Variants in MTDH observed in about 807,000 individuals in gnomAD.
The protein encoded by MTDH is protein LYRIC.
A neutral mutation model predicts 72.7 loss-of-function variants in MTDH; 34 were observed. The ratio of observed to expected loss-of-function variants is 0.47; its 90% confidence interval spans 0.36 to 0.62. The LOEUF (loss-of-function observed/expected upper bound fraction) is 0.62, where lower values mean the gene tolerates loss of function less well. Ranked by LOEUF, MTDH falls within the 20% of genes least tolerant of loss-of-function variation. MTDH has a pLI of 0.00. For synonymous variants in MTDH, 266 were observed against 268.9 expected (o/e 0.99, Z 0.10); for missense variants, 677 against 699.4 (o/e 0.97, Z 0.36).
At chr8:97,695,931 T>G (rs1297212218) in intron 6 of MTDH, among the ~76,000 whole-genome samples, 1 of 152,252 alleles carries the variant, frequency 6.6e-6, no homozygotes, top group African/African-American at 2.4e-5. Context: ...GGGAATTGAC[T>G]TAAGCTGCAT....
chr8:97,708,377 G>A (rs1331529606), intron 8 of MTDH, among the ~76,000 whole-genome samples: 1 of 139,166 alleles, frequency 7.2e-6, no homozygotes, highest in African/African-American at 2.8e-5. Context: ...CCCCTCCCAG[G>A]TTCAAGTGAT....
chr8:97,665,682 T>A (rs1222283350), intron 2 of MTDH, among the ~76,000 whole-genome samples: 1 of 152,194 alleles, frequency 6.6e-6, no homozygotes, highest in Non-Finnish European at 1.5e-5. Flanking sequence ...AACCTGACAT[T>A]ATTTAGATTA....
At position 97,729,137 on chromosome 8, in the gene MTDH, G is replaced by A. The variant is rs572013869; in HGVS notation, c.*4467G>A. ...GATGAGGTCATTGCTATGTTGCCCA[G>A]GCTGGCCTTGAAGTCCAGGGCTTAA... is the stretch of plus-strand genomic sequence containing the variant. On this transcript the variant is annotated 3_prime_UTR_variant, in exon 12 of 12. Coordinates refer to ENST00000336273, the MANE Select transcript of MTDH (RefSeq NM_178812.4). Among the ~76,000 whole-genome samples the A allele has an allele frequency of 8.6e-5, 13 of 150,414 alleles. No homozygotes were observed. Among genetic ancestry groups the A allele is most frequent in the Middle Eastern group, 3.4e-3 (1 of 292 alleles).
chr8:97,683,978 G>C (rs1187458380), intron 2 of MTDH, among the ~76,000 whole-genome samples: 2 of 152,116 alleles, frequency 1.3e-5, no homozygotes, highest in Non-Finnish European at 2.9e-5. Flanking sequence ...GGGCATGGTA[G>C]CGCATGCCTG....
rs910643189 is a variant in MTDH at position 97,730,119 on chromosome 8, A to G, written c.*5449A>G. 6.6e-6 allele frequency among the ~76,000 whole-genome samples: 1 copy of G among 152,238 alleles called. No homozygotes were observed. The highest frequency in any genetic ancestry group is 1.5e-5 in the Non-Finnish European group (1 of 68,046). ...AATTGAGAAAACTTTAAGCAGGTTC[A>G]AAGTTATCCCATGATAGTGGCATTC... On this transcript the variant is annotated 3_prime_UTR_variant, in exon 12 of 12. Coordinates refer to ENST00000336273, the MANE Select transcript of MTDH (RefSeq NM_178812.4).
Position 97,686,846 on chromosome 8 carries a change from G to A in MTDH, c.568+94G>A, listed in dbSNP as rs928519615. On this transcript the variant is annotated intron_variant, in intron 3 of 11. Transcript: ENST00000336273. The stretch of plus-strand genomic sequence containing the variant: ...AGCTGCATTTGTTTTACTTAATTTT[G>A]TGTTTAGCTCTTCTTTTTTATTACT... 1.8e-5 allele frequency: 14 copies of A among 773,956 alleles called. No individual in the cohort carries two copies. The African/African-American group carries it at 2.0e-4, about 11-fold the overall frequency. 47.9% of individuals were successfully genotyped at this position (773,956 alleles called of 1,614,324 possible).
chr8:97,696,892 A>C (rs965047312), intron 6 of MTDH, among the ~76,000 whole-genome samples: 24 of 151,352 alleles, frequency 1.6e-4, no homozygotes, highest in African/African-American at 5.8e-4. Flanking sequence ...CTGAGGTGGG[A>C]AGATCACTTG....
In MTDH at chr8:97,687,591, C is replaced by A; in HGVS notation, c.731C>A (p.Ser244Tyr). The A allele has an allele frequency of 6.2e-7, 1 of 1,606,650 alleles. No individual in the cohort carries two copies. The highest frequency in any genetic ancestry group is 1.3e-5 in the African/African-American group (1 of 74,576). The change falls in exon 4 of 12, where the codon TCC (serine) becomes TAC (tyrosine). Residue 244 changes from serine (S) to tyrosine (Y), a missense_variant. Physicochemically the swap from Ser to Tyr is moderately radical, Grantham distance 144 (BLOSUM62 -2). This residue lies in a region of MTDH where 467 missense variants were observed against 469.1 expected (regional missense o/e 1.00). Transcript: ENST00000336273. ...QLTTASFPVG[S>Y]KKNKGDSHLN... ...ACAACCGCATCATTTCCTGTTGGTT[C>A]CAAGAAGAATAAAGGTATATTAGTG...
chr8:97,701,554 A>C (rs1342001925), intron 7 of MTDH, among the ~76,000 whole-genome samples: 2 of 152,216 alleles, frequency 1.3e-5, no homozygotes, highest in African/African-American at 4.8e-5. Context: ...CCAAGGTTTT[A>C]CAAGGATGTG....
intron 1 of MTDH, among the ~76,000 whole-genome samples, chr8:97,645,581 ACT>A (rs1415351088): frequency 1.3e-5 from 2 of 152,118 alleles, no homozygotes; most frequent in African/African-American, 4.8e-5. Context: ...TCTGTTGCAC[ACT>A]CTGTGGCGTG....
At chr8:97,699,406 C>G (rs760389134) in intron 6 of MTDH, among the ~76,000 whole-genome samples, 61 of 151,356 alleles carry the variant, frequency 4.0e-4, no homozygotes, top group Non-Finnish European at 8.1e-4. Context: ...CACTGCACTT[C>G]AGCCTGGGTG....
rs2449514 is a variant in MTDH at position 97,729,290 on chromosome 8, C to T, written c.*4620C>T. On this transcript the variant is annotated 3_prime_UTR_variant, in exon 12 of 12. Transcript: ENST00000336273. ...CTAGCTAGAAACTTCCTATCGGCAT[C>T]TGAGCCAGCTGGTAGAGGGCATTAC... Among the ~76,000 whole-genome samples, 71,477 of 151,776 alleles carry T rather than the reference C, an allele frequency of 0.47. 19,656 individuals are homozygous for T. Among genetic ancestry groups the T allele is most frequent in the African/African-American group, 0.75 (31,215 of 41,394 alleles).
intron 2 of MTDH, among the ~76,000 whole-genome samples, chr8:97,665,370 C>G (rs1167028648): frequency 6.6e-6 from 1 of 152,094 alleles, no homozygotes; most frequent in Admixed American, 6.6e-5. Context: ...GTACTAGTCT[C>G]TAGTAGACTA....
chr8:97,664,077 C>A (rs187138173), intron 2 of MTDH, among the ~76,000 whole-genome samples: 1 of 151,952 alleles, frequency 6.6e-6, no homozygotes, highest in East Asian at 1.9e-4. Flanking sequence ...TACAGTTGGC[C>A]GGGCACAATG....
chr8:97,682,263 TATATATATATATATA>T, intron 2 of MTDH, among the ~76,000 whole-genome samples: 1 of 7,900 alleles, frequency 1.3e-4, no homozygotes, highest in Non-Finnish European at 2.6e-4. Context: ...TATATATATA[TATATATATATATATA>T]TATTTTTTTT....
chr8:97,687,052 G>A lies in MTDH; in HGVS notation c.568+300G>A, dbSNP rs540260547. ...ATTATGGTTTGTTTGTTTTTCCCCC[G>A]TGGTTCTTAAATATACCATTTATTA... On this transcript the variant is annotated intron_variant, in intron 3 of 11. Coordinates refer to ENST00000336273, the MANE Select transcript of MTDH (RefSeq NM_178812.4). 3.9e-3 allele frequency among the ~76,000 whole-genome samples: 590 copies of A among 151,784 alleles called. 4 individuals carry two copies. Among genetic ancestry groups the A allele is most frequent in the Non-Finnish European group, 6.6e-3 (448 of 67,938 alleles).
intron 2 of MTDH, among the ~76,000 whole-genome samples, chr8:97,682,900 A>G (rs1271955199): frequency 6.6e-6 from 1 of 152,046 alleles, no homozygotes; most frequent in African/African-American, 2.4e-5. Flanking sequence ...ATTTAGCCCA[A>G]AGTCACATAG....
intron 2 of MTDH, among the ~76,000 whole-genome samples, chr8:97,661,471 C>T (rs1218140273): frequency 1.3e-5 from 2 of 152,002 alleles, no homozygotes; most frequent in Non-Finnish European, 2.9e-5. Context: ...AGATATATAA[C>T]ATATATACCT....
intron 2 of MTDH, among the ~76,000 whole-genome samples, chr8:97,680,849 C>T (rs766926290): frequency 2.0e-5 from 3 of 152,138 alleles, no homozygotes; most frequent in Non-Finnish European, 4.4e-5. Flanking sequence ...GATCATGAAG[C>T]ATTCAAATAA....
Sources: gnomAD v4.1 joint callset for allele counts (sites outside exome capture counted in the v4.1 genomes callset) on GRCh38, gnomAD v4.1.1 for gene constraint, gnomAD v4.1.1 regional missense constraint, MANE v1.5 for transcripts, NCBI Gene and HGNC (gene_info 2026-07-23, HGNC 2026-07-21) for gene names.